RPH3A: variants seen among roughly 807,000 people sequenced by gnomAD.
RPH3A encodes rabphilin 3A.
RPH3A carries 48 observed loss-of-function variants against 102.2 expected under a neutral mutation model. The observed-to-expected ratio is 0.47, with a 90% CI of 0.37 to 0.60. The LOEUF is 0.60. Ranked by LOEUF, RPH3A falls within the 20% of genes least tolerant of loss-of-function variation. The pLI, the probability that RPH3A is intolerant of heterozygous loss-of-function variation, is 0.00. For synonymous variants in RPH3A, 310 were observed against 324.3 expected (o/e 0.96, Z 0.47); for missense variants, 781 against 910.1 (o/e 0.86, Z 1.83).
At chr12:112,878,984 A>C in intron 13 of RPH3A, 135 bp from the exon 14 acceptor site, 1 of 759,822 alleles carries the variant, frequency 1.3e-6, no homozygotes. Flanking sequence ...TGAGGAACTC[A>C]CAGCAAAAAC....
At chr12:112,776,751 G>A (rs2040969396) in intron 1 of RPH3A, among the ~76,000 whole-genome samples, 1 of 151,658 alleles carries the variant, frequency 6.6e-6, no homozygotes, top group Non-Finnish European at 1.5e-5. Flanking sequence ...GTGGGCGCCT[G>A]TAGTCTCAGC....
intron 1 of RPH3A, among the ~76,000 whole-genome samples, chr12:112,776,873 CAAAAAAAAAAAAAAAAAAA>C (rs548377186): frequency 8.1e-5 from 6 of 73,920 alleles, no homozygotes; most frequent in South Asian, 5.1e-4. Flanking sequence ...GACTCCATCT[CAAAAAAAAAAAAAAAAAAA>C]AAAAAAAAAA....
chr12:112,816,193 G>A (rs762308579), intron 2 of RPH3A, among the ~76,000 whole-genome samples: 6 of 152,178 alleles, frequency 3.9e-5, no homozygotes, highest in East Asian at 1.9e-4. Flanking sequence ...CTGGCTGCAC[G>A]TCTTCCAGCA....
At chr12:112,893,497 A>T (rs1474927791) in intron 19 of RPH3A, 1 of 152,156 alleles carries the variant, frequency 6.6e-6, no homozygotes, top group Non-Finnish European at 1.5e-5. Context: ...TCACCCAGGA[A>T]ATATTTTGTT....
chr12:112,829,585 T>C (rs921480983), intron 3 of RPH3A, among the ~76,000 whole-genome samples: 1 of 152,240 alleles, frequency 6.6e-6, no homozygotes, highest in Admixed American at 6.5e-5. Context: ...AAAGGCTTTT[T>C]AGCAAAAATT....
chr12:112,749,589 T>A (rs1360431194), intron 1 of RPH3A, among the ~76,000 whole-genome samples: 1 of 152,196 alleles, frequency 6.6e-6, no homozygotes, highest in Non-Finnish European at 1.5e-5. Flanking sequence ...TACTGACACA[T>A]CTTTTCCTGA....
upstream of RPH3A, among the ~76,000 whole-genome samples, chr12:112,787,528 T>C (rs1187607588): frequency 6.6e-6 from 1 of 152,178 alleles, no homozygotes; most frequent in Non-Finnish European, 1.5e-5. Context: ...TGAATAGTGC[T>C]GGGGAGATAA....
chr12:112,712,873 C>CTTTT (rs200904686), intron 1 of RPH3A, among the ~76,000 whole-genome samples: 1 of 148,220 alleles, frequency 6.7e-6, no homozygotes, highest in African/African-American at 2.6e-5. Context: ...ACCCAGCTCA[C>CTTTT]TTTTTTTTCT....
chr12:112,868,475 C>G lies in RPH3A; in HGVS notation c.490C>G (p.Gln164Glu). 1.2e-6 allele frequency: 2 copies of G among 1,614,190 alleles called. No individual in the cohort carries two copies. ...GAWFFKGFPK[Q>E]VLPQPMPIKK... is the part of the protein sequence containing the mutation. ...GTGGTTCTTCAAAGGCTTCCCCAAA[C>G]AGGTCCTCCCACAGCCTATGCCTAT... Residue 164 changes from glutamine (Q) to glutamate (E), a missense_variant, in exon 8 of 22, where the codon CAG (glutamine) becomes GAG (glutamate). Transcript: ENST00000389385.
intron 2 of RPH3A, among the ~76,000 whole-genome samples, chr12:112,814,750 G>A (rs2041640327): frequency 6.6e-6 from 1 of 152,188 alleles, no homozygotes; most frequent in African/African-American, 2.4e-5. Flanking sequence ...CACCTCACAG[G>A]ATAGTGGTGA....
chr12:112,841,706 G>GTTTTTTTTT (rs150878418), intron 4 of RPH3A, among the ~76,000 whole-genome samples: 18 of 145,088 alleles, frequency 1.2e-4, no homozygotes, highest in Non-Finnish European at 1.6e-4. Context: ...TTGTTTTTTT[G>GTTTTTTTTT]GTTTTTTTTT....
At chr12:112,866,678 A>C in intron 6 of RPH3A, 79 bp from the exon 7 acceptor site, 25 of 1,191,852 alleles carry the variant, frequency 2.1e-5, no homozygotes, top group Non-Finnish European at 2.7e-5. Flanking sequence ...ACATCCACCA[A>C]GAGAAAGTGG....
intron 1 of RPH3A, among the ~76,000 whole-genome samples, chr12:112,632,538 T>C (rs2039814255): frequency 6.6e-6 from 1 of 152,178 alleles, no homozygotes. Context: ...ACCACAAGGG[T>C]TCCTCCAAGT....
At chr12:112,768,877 A>G (rs1343334257) in intron 1 of RPH3A, among the ~76,000 whole-genome samples, 1 of 152,164 alleles carries the variant, frequency 6.6e-6, no homozygotes, top group African/African-American at 2.4e-5. Flanking sequence ...GCTCCACTGC[A>G]CTCCAGCCTG....
chr12:112,814,950 G>A (rs2041644597), intron 2 of RPH3A, among the ~76,000 whole-genome samples: 2 of 152,188 alleles, frequency 1.3e-5, no homozygotes, highest in African/African-American at 2.4e-5. Context: ...TATTAGCTGT[G>A]TTATCTGGGC....
At chr12:112,610,346 T>C (rs2039629609) in intron 1 of RPH3A, among the ~76,000 whole-genome samples, 1 of 151,900 alleles carries the variant, frequency 6.6e-6, no homozygotes, top group Admixed American at 6.6e-5. Context: ...CTACTAAAAA[T>C]ACAAAAATTA....
chr12:112,681,877 T>C (rs1336097059), intron 1 of RPH3A, among the ~76,000 whole-genome samples: 1 of 152,248 alleles, frequency 6.6e-6, no homozygotes, highest in Non-Finnish European at 1.5e-5. Flanking sequence ...TTCCCTTTGC[T>C]GCCAGGATAA....
intron 1 of RPH3A, among the ~76,000 whole-genome samples, chr12:112,713,029 T>C (rs35477920): frequency 0.053 from 3,628 of 68,570 alleles, 203 homozygotes; most frequent in Middle Eastern, 0.091. Context: ...CTTCCTCTTC[T>C]TCTTCTTCTT....
chr12:112,685,449 A>C (rs898729225), intron 1 of RPH3A, among the ~76,000 whole-genome samples: 6 of 152,032 alleles, frequency 3.9e-5, no homozygotes, highest in African/African-American at 7.3e-5. Context: ...CTATTTTCTC[A>C]CTGCTGGGAA....
Sources: allele counts gnomAD v4.1 joint callset (sites outside exome capture counted in the v4.1 genomes callset), GRCh38; gene constraint gnomAD v4.1.1; transcripts MANE v1.5; gene names NCBI Gene and HGNC (gene_info 2026-07-23, HGNC 2026-07-21).